Variants in GAS7 observed in about 807,000 individuals in gnomAD.
GAS7 encodes growth arrest-specific protein 7.
GAS7 carries 28 observed loss-of-function variants against 71.1 expected under a neutral mutation model. The ratio of observed to expected loss-of-function variants is 0.39; its 90% CI spans 0.29 to 0.54. GAS7 has a LOEUF of 0.54. Among genes scored for constraint, GAS7 ranks in the 20% least tolerant of loss-of-function variants. GAS7 has a pLI of 0.62. For synonymous variants in GAS7, 258 were observed against 245.8 expected (o/e 1.05, Z -0.46); for missense variants, 436 against 627.8 (o/e 0.69, Z 3.27).
At chr17:10,139,785 C>T (rs1482405874) in intron 1 of GAS7, among the ~76,000 whole-genome samples, 1 of 152,236 alleles carries the variant, frequency 6.6e-6, no homozygotes, top group Non-Finnish European at 1.5e-5. Flanking sequence ...AGAGATTCTG[C>T]AGCTCAAACA....
intron 8 of GAS7, among the ~76,000 whole-genome samples, chr17:9,938,082 C>A (rs543728413): frequency 2.6e-5 from 4 of 152,116 alleles, no homozygotes; most frequent in East Asian, 1.9e-4. Context: ...TTATGTCCTG[C>A]CAAAATTCTT....
chr17:10,158,349 A>AC (rs1234558444), intron 1 of GAS7, among the ~76,000 whole-genome samples: 1 of 97,086 alleles, frequency 1.0e-5, no homozygotes, highest in African/African-American at 4.2e-5. Flanking sequence ...AAAAAAAAAA[A>AC]AAAAAAAAAA....
intron 1 of GAS7, among the ~76,000 whole-genome samples, chr17:10,131,646 A>C (rs2073998104): frequency 6.6e-6 from 1 of 152,100 alleles, no homozygotes; most frequent in African/African-American, 2.4e-5. Context: ...AAACAAAACA[A>C]AGTCTCATGT....
intron 1 of GAS7, among the ~76,000 whole-genome samples, chr17:10,107,860 C>T (rs1354754205): frequency 6.6e-6 from 1 of 150,968 alleles, no homozygotes; most frequent in Non-Finnish European, 1.5e-5. Context: ...CCACCTTACA[C>T]ACAGTCCAGT....
intron 3 of GAS7, among the ~76,000 whole-genome samples, chr17:9,972,514 A>C (rs560863090): frequency 3.8e-4 from 58 of 152,360 alleles, no homozygotes; most frequent in African/African-American, 1.3e-3. Flanking sequence ...AGACAAAAAC[A>C]AGGAGGATAA....
intron 8 of GAS7, among the ~76,000 whole-genome samples, chr17:9,937,510 A>C (rs1228619032): frequency 6.6e-6 from 1 of 152,214 alleles, no homozygotes; most frequent in Non-Finnish European, 1.5e-5. Flanking sequence ...GAGCAGAAGG[A>C]GGCCAGGAAT....
intron 1 of GAS7, among the ~76,000 whole-genome samples, chr17:10,055,774 C>T (rs1248552620): frequency 6.6e-6 from 1 of 152,240 alleles, no homozygotes; most frequent in African/African-American, 2.4e-5. Context: ...CCTTGCCACA[C>T]ATAACGCGCT....
In GAS7 at chr17:9,915,175, G is replaced by A. The variant is rs1040155825; in HGVS notation, c.*2053C>T. On this transcript the variant is annotated 3_prime_UTR_variant, in exon 14 of 14. Transcript: ENST00000432992. ...ACCTGAGCTACCCTGGAAGACGCAAGAGGGCTCACTCTATCCCAGGGATGA... is the reference window on the plus strand; with the variant it reads ...ACCTGAGCTACCCTGGAAGACGCAAAAGGGCTCACTCTATCCCAGGGATGA... 1 of 231,438 alleles carries A rather than the reference G, an allele frequency of 4.3e-6. No individual in the cohort carries two copies. Among genetic ancestry groups the A allele is most frequent in the Non-Finnish European group, 8.6e-6 (1 of 116,934 alleles). The allele number at this position is 231,438 out of a possible 1,614,324, so 14.3% of individuals were successfully genotyped here. A position where few individuals can be genotyped will look rare whatever the true frequency, so the allele number is the denominator to read the frequency against.
At chr17:10,053,300 T>C (rs2073088545) in intron 1 of GAS7, among the ~76,000 whole-genome samples, 1 of 152,172 alleles carries the variant, frequency 6.6e-6, no homozygotes, top group African/African-American at 2.4e-5. Context: ...AAGACGTGGT[T>C]TCTTGGCTCA....
chr17:10,181,103 T>A (rs996556890), intron 1 of GAS7, among the ~76,000 whole-genome samples: 16 of 149,592 alleles, frequency 1.1e-4, no homozygotes, highest in Non-Finnish European at 2.2e-4. Context: ...GGCTCACGCC[T>A]GTAATCCCAG....
rs1450223909 is a variant in GAS7, at chr17:9,915,325, C to T, written c.*1903G>A. 2 of 230,656 alleles carry T rather than the reference C, an allele frequency of 8.7e-6. No individual in the cohort carries two copies. The highest frequency in any genetic ancestry group is 1.7e-5 in the Non-Finnish European group (2 of 116,262). The allele number at this position is 230,656 out of a possible 1,614,324, so 14.3% of individuals were successfully genotyped here. On this transcript the variant is annotated 3_prime_UTR_variant, in exon 14 of 14. Coordinates refer to ENST00000432992, the MANE Select transcript of GAS7 (RefSeq NM_201433.2). ...TGGAAATCATCCACAGAGTAGTTTA[C>T]TAAGCCACAAAGCAATTACCACTAG...
At chr17:9,922,949 C>T (rs545114117) in intron 11 of GAS7, among the ~76,000 whole-genome samples, 1 of 152,294 alleles carries the variant, frequency 6.6e-6, no homozygotes, top group South Asian at 2.1e-4. Context: ...CACTCTCTTG[C>T]CCAGGCTGGA....
At chr17:9,979,448 G>C (rs1473332182) in intron 3 of GAS7, among the ~76,000 whole-genome samples, 1 of 152,152 alleles carries the variant, frequency 6.6e-6, no homozygotes, top group Non-Finnish European at 1.5e-5. Context: ...TGGACAGAGA[G>C]AGGCTCTTGA....
intron 11 of GAS7, chr17:9,924,533 C>G (rs2067928710): frequency 6.7e-6 from 1 of 149,476 alleles, no homozygotes; most frequent in Non-Finnish European, 1.5e-5. Flanking sequence ...CTGTGCCCCC[C>G]CTTCTCTCTA....
At chr17:10,125,291 A>G (rs1344240460) in intron 1 of GAS7, among the ~76,000 whole-genome samples, 3 of 152,100 alleles carry the variant, frequency 2.0e-5, no homozygotes, top group Admixed American at 6.6e-5. Flanking sequence ...GCCAAGGCAG[A>G]TGGCTTACTG....
At chr17:10,031,129 A>G (rs962470567) in intron 1 of GAS7, among the ~76,000 whole-genome samples, 14 of 152,148 alleles carry the variant, frequency 9.2e-5, no homozygotes, top group Non-Finnish European at 2.1e-4. Context: ...ACCACTTGGG[A>G]CACTCCAGAC....
chr17:10,188,004 G>A (rs999290868), intron 1 of GAS7, among the ~76,000 whole-genome samples: 4 of 152,140 alleles, frequency 2.6e-5, no homozygotes, highest in Non-Finnish European at 4.4e-5. Flanking sequence ...AGCACTTTGG[G>A]AGGCCGAGGC....
At position 9,974,568 on chromosome 17, in the gene GAS7, G is replaced by C. The variant is rs993153180; in HGVS notation, c.386-4806C>G. 6.6e-5 allele frequency among the ~76,000 whole-genome samples: 10 copies of C among 151,666 alleles called. No individual in the cohort carries two copies. Among genetic ancestry groups the C allele is most frequent in the African/African-American group, 2.4e-4 (10 of 41,316 alleles). On this transcript the variant is annotated intron_variant, in intron 3 of 13. Transcript: ENST00000432992. The surrounding 1 kb of genome is among the most constrained non-coding windows in gnomAD (Gnocchi z 4.0). Reference sequence around the variant, plus strand: ...TCTGTTTTTAAGATTTTTAAAAAGGGAACTAAAAGCTCTATCTAGTTAGTA... The same window carrying C: ...TCTGTTTTTAAGATTTTTAAAAAGGCAACTAAAAGCTCTATCTAGTTAGTA...
intron 1 of GAS7, among the ~76,000 whole-genome samples, chr17:10,040,979 T>A (rs953265292): frequency 6.6e-6 from 1 of 151,970 alleles, no homozygotes; most frequent in African/African-American, 2.4e-5. Context: ...ATGGCCAACA[T>A]GGCAAAACCC....
Sources: gnomAD v4.1 joint callset for allele counts (sites outside exome capture counted in the v4.1 genomes callset) on GRCh38, gnomAD v4.1.1 for gene constraint, Gnocchi (gnomAD v3.1) non-coding constraint, MANE v1.5 for transcripts, NCBI Gene and HGNC (gene_info 2026-07-23, HGNC 2026-07-21) for gene names.